Variants in ANKHD1 observed in about 807,000 individuals in gnomAD.
The protein encoded by ANKHD1 is ankyrin repeat and KH domain containing 1, also known as ankyrin repeat and KH domain-containing protein 1.
Under a neutral mutation model 230.5 loss-of-function variants are expected in ANKHD1, and 31 were observed. That is an observed-to-expected ratio of 0.13 (90% confidence interval 0.10 to 0.18). The LOEUF (loss-of-function observed/expected upper bound fraction) is 0.18. Among genes scored for constraint, ANKHD1 ranks in the 10% least tolerant of loss-of-function variants. The pLI is 1.00. For missense variants in ANKHD1, 2,256 were observed against 3,071.3 expected, an observed-to-expected ratio of 0.73 and a Z score of 6.27; for synonymous variants, 1,074 against 1,117.6, an observed-to-expected ratio of 0.96 and a Z score of 0.78.
chr5:140,524,200 A>T lies in ANKHD1; in HGVS notation c.4452A>T (p.Glu1484Asp). The T allele has an allele frequency of 6.3e-7, 1 of 1,596,060 alleles. No individual in the cohort carries two copies. The highest frequency in any genetic ancestry group is 1.2e-5 in the South Asian group (1 of 85,616). Residue 1484 changes from glutamate to aspartate, a missense_variant, in exon 25 of 34, where the codon GAA becomes GAT. Glu to Asp is a conservative substitution (Grantham distance 45, BLOSUM62 2). Coordinates refer to ENST00000360839, the MANE Select transcript of ANKHD1 (RefSeq NM_017747.3). The stretch of plus-strand genomic sequence containing the variant: ...AAAACAAACCTAAGGAGAATTCGGA[A>T]CTACCAGAGGATGAAGATGAAGAGG... ...DEENKPKENS[E>D]LPEDEDEEEN...
At position 140,507,944 on chromosome 5, in the gene ANKHD1, A is replaced by T; in HGVS notation, c.3711A>T (p.Ala1237=). 6.2e-7 allele frequency: 1 copy of T among 1,614,044 alleles called. No homozygotes were observed. Residue 1237 remains alanine, a synonymous_variant, in exon 20 of 34, where the codon GCA becomes GCT. Coordinates refer to ENST00000360839, the MANE Select transcript of ANKHD1 (RefSeq NM_017747.3). The surrounding 1 kb of genome is among the most constrained non-coding windows in gnomAD (Gnocchi z 4.1). ...CCCTGGCCTGTTTCCAGGGCCGAGC[A>T]GAAGTAGTGAGTTTGCTTCTGGACC... The part of the protein sequence containing the change: ...ALTLACFQGR[A]EVVSLLLDRK...
intron 1 of ANKHD1, among the ~76,000 whole-genome samples, chr5:140,430,652 CTTTTT>C (rs34643827): frequency 1.7e-5 from 2 of 114,698 alleles, no homozygotes. Flanking sequence ...TGGTTTCCAT[CTTTTT>C]TTTTTTTTTT....
chr5:140,491,751 C>T (rs1301213305), intron 14 of ANKHD1, among the ~76,000 whole-genome samples: 2 of 152,114 alleles, frequency 1.3e-5, no homozygotes, highest in Non-Finnish European at 2.9e-5. Flanking sequence ...TTCTTTGGAA[C>T]ATCATCTCCC....
intron 10 of ANKHD1, among the ~76,000 whole-genome samples, chr5:140,476,608 G>A (rs1750980493): frequency 6.6e-6 from 1 of 151,970 alleles, no homozygotes; most frequent in African/African-American, 2.4e-5. Flanking sequence ...TACCATTCTA[G>A]AGAAGGAAAA....
intron 1 of ANKHD1, among the ~76,000 whole-genome samples, chr5:140,421,077 T>C (rs1175540245): frequency 1.3e-5 from 2 of 152,110 alleles, no homozygotes; most frequent in African/African-American, 4.8e-5. Flanking sequence ...TTTGTTTTCC[T>C]TTTTTTAACC....
rs182612712 is a variant in ANKHD1, at chr5:140,459,446, A to G, written c.1672+91A>G. On this transcript the variant is annotated intron_variant, in intron 9 of 33. Coordinates refer to ENST00000360839, the MANE Select transcript of ANKHD1 (RefSeq NM_017747.3). ...TCTAAAAACGTTGAGCTCCTAGTAGATAATAGAATGGTGGTTACCAGAGTG... is the reference window on the plus strand; with the variant it reads ...TCTAAAAACGTTGAGCTCCTAGTAGGTAATAGAATGGTGGTTACCAGAGTG... 11 of 1,396,678 alleles carry G rather than the reference A, an allele frequency of 7.9e-6. No homozygotes were observed. In the East Asian group the frequency reaches 2.5e-4, roughly 31 times the overall value. The allele number at this position is 1,396,678 out of a possible 1,614,324, so 86.5% of individuals were successfully genotyped here. A position where few individuals can be genotyped will look rare whatever the true frequency, so the allele number is the denominator to read the frequency against.
chr5:140,488,702 C>T (rs536855410), intron 14 of ANKHD1, among the ~76,000 whole-genome samples: 36 of 152,068 alleles, frequency 2.4e-4, no homozygotes, highest in African/African-American at 8.4e-4. Context: ...GAGTTTGAGA[C>T]GAGCCTGGCC....
At chr5:140,538,769 T>C in intron 32 of ANKHD1, 150 bp from the exon 33 acceptor site, 1 of 968,256 alleles carries the variant, frequency 1.0e-6, no homozygotes, top group South Asian at 5.3e-5. Flanking sequence ...ACATTTTGTT[T>C]TCTCAACACT....
intron 20 of ANKHD1, among the ~76,000 whole-genome samples, chr5:140,509,350 A>G (rs1301399010): frequency 6.6e-6 from 1 of 152,250 alleles, no homozygotes; most frequent in Non-Finnish European, 1.5e-5. Context: ...CAAAGAAATT[A>G]TCTGAGTAAA....
intron 1 of ANKHD1, among the ~76,000 whole-genome samples, chr5:140,419,812 TTCTTTCTTTC>T (rs1561691048): frequency 9.2e-5 from 13 of 141,478 alleles, no homozygotes; most frequent in Non-Finnish European, 7.8e-5. Context: ...CTTTCTTTCT[TTCTTTCTTTC>T]TTTCTTTCTT....
intron 14 of ANKHD1, among the ~76,000 whole-genome samples, chr5:140,489,413 C>T (rs895458438): frequency 2.0e-5 from 3 of 151,900 alleles, no homozygotes; most frequent in African/African-American, 4.8e-5. Context: ...TCACTTGCAC[C>T]CAGGAGCTCC....
At chr5:140,455,633 A>T (rs1041912426) in intron 7 of ANKHD1, among the ~76,000 whole-genome samples, 6 of 152,234 alleles carry the variant, frequency 3.9e-5, no homozygotes, top group Non-Finnish European at 7.3e-5. Context: ...ATCTCAATAG[A>T]TGCAGAAAAG....
At chr5:140,445,430 G>A (rs1774204734) in intron 5 of ANKHD1, among the ~76,000 whole-genome samples, 1 of 152,108 alleles carries the variant, frequency 6.6e-6, no homozygotes, top group Admixed American at 6.5e-5. Context: ...CTTAAAGCTG[G>A]GAAGCGGAGG....
chr5:140,403,820 T>A (rs1770192525), intron 1 of ANKHD1, among the ~76,000 whole-genome samples: 1 of 152,214 alleles, frequency 6.6e-6, no homozygotes, highest in South Asian at 2.1e-4. Context: ...GGTGTTAAAG[T>A]ACAGGAATTT....
intron 14 of ANKHD1, among the ~76,000 whole-genome samples, chr5:140,495,787 A>AT: frequency 6.6e-6 from 1 of 152,256 alleles, no homozygotes; most frequent in South Asian, 2.1e-4. Flanking sequence ...GGGAAGTCTG[A>AT]TTTTCTCCTA....
chr5:140,414,000 CAA>C (rs1771150379), intron 1 of ANKHD1, among the ~76,000 whole-genome samples: 1 of 152,054 alleles, frequency 6.6e-6, no homozygotes, highest in African/African-American at 2.4e-5. Context: ...AGGCTTGTCT[CAA>C]ACTCCTGACC....
chr5:140,504,223 G>GT (rs1189315339), intron 15 of ANKHD1, among the ~76,000 whole-genome samples: 23 of 151,652 alleles, frequency 1.5e-4, no homozygotes, highest in East Asian at 9.8e-4. Flanking sequence ...CTAACTTTCT[G>GT]TTTTTTTTAG....
intron 29 of ANKHD1, among the ~76,000 whole-genome samples, chr5:140,533,575 G>C (rs1435509826): frequency 6.6e-6 from 1 of 151,740 alleles, no homozygotes; most frequent in Non-Finnish European, 1.5e-5. Context: ...CTCCAGCCTC[G>C]GCAACAGAGC....
intron 1 of ANKHD1, among the ~76,000 whole-genome samples, chr5:140,429,829 C>T (rs1581234798): frequency 6.6e-6 from 1 of 152,038 alleles, no homozygotes; most frequent in African/African-American, 2.4e-5. Flanking sequence ...TTAATTATAG[C>T]GCTACATAGA....
Sources: allele counts gnomAD v4.1 joint callset (sites outside exome capture counted in the v4.1 genomes callset), GRCh38; gene constraint gnomAD v4.1.1; non-coding constraint Gnocchi (gnomAD v3.1); transcripts MANE v1.5; gene names NCBI Gene and HGNC (gene_info 2026-07-23, HGNC 2026-07-21).